Variants in DOK3 observed in about 807,000 individuals in gnomAD.
DOK3 encodes Dok-like protein.
Under a neutral mutation model 26.2 loss-of-function variants are expected in DOK3, and 23 were observed. The observed-to-expected ratio is 0.88, with a 90% CI of 0.63 to 1.24. The LOEUF (loss-of-function observed/expected upper bound fraction) is 1.24, where lower values mean the gene tolerates loss of function less well. Among genes scored for constraint, DOK3 ranks in the 50% most tolerant of loss-of-function variants. The pLI, the probability that DOK3 is intolerant of heterozygous loss-of-function variation, is 0.00. For missense variants in DOK3, 619 were observed against 610.6 expected (o/e 1.01, Z -0.15); for synonymous variants, 268 against 268.2 (o/e 1.00, Z 0.01).
rs756330120 is a variant in DOK3, at chr5:177,504,543, G to A, written c.763C>T (p.Arg255Trp). ...CTGGTCAGCTCTGGCAGCCGCTCCC[G>A]CTGGCGGGCGATGGCCCCGGCCACA... ...RAVAGAIARQRERLPELTRPQ... is the reference protein window; with the variant it reads ...RAVAGAIARQWERLPELTRPQ... Residue 255 changes from arginine (R) to tryptophan (W), a missense_variant, in exon 6 of 6, where the codon CGG becomes TGG. Coordinates refer to ENST00000510898, the MANE Select transcript of DOK3 (RefSeq NM_001308236.3). 36 of 1,591,514 alleles carry A rather than the reference G, an allele frequency of 2.3e-5. 1 individual carries two copies. The highest frequency in any genetic ancestry group is 5.3e-5 in the Admixed American group (3 of 56,424).
chr5:177,509,499 G>T lies in DOK3; in HGVS notation c.42C>A (p.Tyr14Ter). The change falls in exon 2 of 6, where the codon TAC (tyrosine) becomes TAA (stop). Residue 14 changes from tyrosine to a stop codon, truncating the protein, a stop_gained. Coordinates refer to ENST00000510898, the MANE Select transcript of DOK3 (RefSeq NM_001308236.3). LOFTEE classifies it high-confidence loss of function. ...CCTTGCCAAACTTGACATGCTGCTGGTAGAGGATGCCATCCTTGATAGGGG... is the reference window on the plus strand; with the variant it reads ...CCTTGCCAAACTTGACATGCTGCTGTTAGAGGATGCCATCCTTGATAGGGG... The part of the protein sequence containing the change: ...LETPIKDGIL[Y>*]QQHVKFGKKC... The T allele has an allele frequency of 6.2e-7, 1 of 1,610,248 alleles. No homozygotes were observed. The highest frequency in any genetic ancestry group is 8.5e-7 in the Non-Finnish European group (1 of 1,178,180).
In DOK3 at chr5:177,509,796, A is replaced by G; in HGVS notation, c.-156T>C. The G allele has an allele frequency of 6.2e-7, 1 of 1,611,882 alleles. No individual in the cohort carries two copies. Among genetic ancestry groups the G allele is most frequent in the Non-Finnish European group, 8.5e-7 (1 of 1,179,940 alleles). ...CCGGCCACCTGAAGGCAGCCTTCTC[A>G]CGCACCTGGTTCAGCTGGGCACGCG... On this transcript the variant is annotated 5_prime_UTR_variant, in exon 1 of 6. Coordinates refer to ENST00000510898, the MANE Select transcript of DOK3 (RefSeq NM_001308236.3).
chr5:177,504,770 G>A lies in DOK3; in HGVS notation c.618C>T (p.His206=). The A allele has an allele frequency of 6.2e-7, 1 of 1,614,078 alleles. No homozygotes were observed. The highest frequency in any genetic ancestry group is 8.5e-7 in the Non-Finnish European group (1 of 1,179,944). ...GTQALYSWPY[H]FLRKFGSDKG... ...TGTCGGAGCCGAACTTGCGCAGGAA[G>A]TGGTAGGGCCAGCTGTAGAGGGCCT... Residue 206 remains histidine (H), a synonymous_variant, in exon 5 of 6, where the codon CAC becomes CAT. Transcript: ENST00000510898.
chr5:177,508,558 G>T lies in DOK3; in HGVS notation c.67-16C>A. 6.6e-7 allele frequency: 1 copy of T among 1,516,184 alleles called. No homozygotes were observed. The highest frequency in any genetic ancestry group is 2.4e-5 in the East Asian group (1 of 41,042). The allele number at this position is 1,516,184 out of a possible 1,614,324, so 93.9% of individuals were successfully genotyped here. On this transcript the variant is annotated splice_polypyrimidine_tract_variant and intron_variant, in intron 2 of 5. Transcript: ENST00000510898. Reference sequence around the variant, plus strand: ...GCCAGCACTTCTGCGGGAGGGGAGCGGGAGGGTGAAGACCCTTGGGTGGCA... The same window carrying T: ...GCCAGCACTTCTGCGGGAGGGGAGCTGGAGGGTGAAGACCCTTGGGTGGCA...
Position 177,502,342 on chromosome 5 carries a change from G to C in DOK3, c.*1641C>G, listed in dbSNP as rs1372576178. 1 of 152,318 alleles carries C rather than the reference G, an allele frequency of 6.6e-6. No individual in the cohort carries two copies. The highest frequency in any genetic ancestry group is 2.4e-5 in the African/African-American group (1 of 41,468). The allele number at this position is 152,318 out of a possible 1,614,324, so 9.4% of individuals were successfully genotyped here. A position where few individuals can be genotyped will look rare whatever the true frequency, so the allele number is the denominator to read the frequency against. ...CAGAGAAACAGAGGTGGCCGAAGAGGAATGTGAGGTCAAGGGAAGGTTTAA... is the reference window on the plus strand; with the variant it reads ...CAGAGAAACAGAGGTGGCCGAAGAGCAATGTGAGGTCAAGGGAAGGTTTAA... On this transcript the variant is annotated 3_prime_UTR_variant, in exon 6 of 6. Transcript: ENST00000510898.
At chr5:177,507,400 T>C (rs538875405) in intron 3 of DOK3, among the ~76,000 whole-genome samples, 1 of 152,314 alleles carries the variant, frequency 6.6e-6, no homozygotes, top group African/African-American at 2.4e-5. Context: ...GATGGCCATG[T>C]AGGCTGTTTC....
Position 177,502,804 on chromosome 5 carries a change from G to C in DOK3, c.*1179C>G. Reference sequence around the variant, plus strand: ...GAGGTCTGGGCTCGCCCAAGGCCGGGGACTTTGCCAGACCAGTAAGATGAA... The same window carrying C: ...GAGGTCTGGGCTCGCCCAAGGCCGGCGACTTTGCCAGACCAGTAAGATGAA... On this transcript the variant is annotated 3_prime_UTR_variant, in exon 6 of 6. Coordinates refer to ENST00000510898, the MANE Select transcript of DOK3 (RefSeq NM_001308236.3). 1.9e-6 allele frequency: 1 copy of C among 521,170 alleles called. No individual in the cohort carries two copies. Among genetic ancestry groups the C allele is most frequent in the Non-Finnish European group, 3.4e-6 (1 of 293,984 alleles). 32.3% of individuals were successfully genotyped at this position (521,170 alleles called of 1,614,324 possible). A position where few individuals can be genotyped will look rare whatever the true frequency, so the allele number is the denominator to read the frequency against.
chr5:177,509,931 A>G (rs1287350338), upstream of DOK3: 16 of 1,568,260 alleles, frequency 1.0e-5, no homozygotes, highest in East Asian at 3.5e-4. Context: ...GCCTCCACCC[A>G]GGACCCTTCT....
intron 3 of DOK3, among the ~76,000 whole-genome samples, chr5:177,507,920 C>T (rs952168920): frequency 3.9e-5 from 6 of 152,220 alleles, no homozygotes; most frequent in African/African-American, 9.6e-5. Context: ...CCTCTGCCCA[C>T]GGGACTCCCT....
chr5:177,508,267 C>T lies in DOK3; in HGVS notation c.342G>A (p.Trp114Ter). ...AGGCCAGCTGGCAGATGGGGCCCATCCAGGCCTGGCGGTGCTGAGCAGCCA... is the reference window on the plus strand; with the variant it reads ...AGGCCAGCTGGCAGATGGGGCCCATTCAGGCCTGGCGGTGCTGAGCAGCCA... ...HLLAAQHRQAWMGPICQLAFP... is the reference protein window; with the variant it reads ...HLLAAQHRQA Residue 114 changes from tryptophan (W) to a stop codon, truncating the protein, a stop_gained, in exon 3 of 6, where the codon TGG becomes TGA. Coordinates refer to ENST00000510898, the MANE Select transcript of DOK3 (RefSeq NM_001308236.3). LOFTEE classifies it high-confidence loss of function. The T allele has an allele frequency of 6.5e-7, 1 of 1,544,604 alleles. No homozygotes were observed. Among genetic ancestry groups the T allele is most frequent in the Non-Finnish European group, 8.7e-7 (1 of 1,143,250 alleles).
In DOK3 at chr5:177,504,441, G is replaced by A; in HGVS notation, c.865C>T (p.Pro289Ser). Residue 289 changes from proline (P) to serine (S), a missense_variant, in exon 6 of 6, where the codon CCA (proline) becomes TCA (serine). Coordinates refer to ENST00000510898, the MANE Select transcript of DOK3 (RefSeq NM_001308236.3). The stretch of plus-strand genomic sequence containing the variant: ...CTGGACGTGGGTGGCTCAGGTCCTG[G>A]TGGCATCTCCCGAAGCTCTCCGGGG... ...DTPGELREMP[P>S]GPEPPTSRKM... 3 of 1,576,828 alleles carry A rather than the reference G, an allele frequency of 1.9e-6. No homozygotes were observed. The highest frequency in any genetic ancestry group is 2.6e-6 in the Non-Finnish European group (3 of 1,161,954).
In DOK3 at chr5:177,504,664, G is replaced by A. The variant is rs1759824572; in HGVS notation, c.646-4C>T. 1 of 1,613,396 alleles carries A rather than the reference G, an allele frequency of 6.2e-7. No individual in the cohort carries two copies. Among genetic ancestry groups the A allele is most frequent in the Non-Finnish European group, 8.5e-7 (1 of 1,179,880 alleles). ...CGGCCTCAAAGGAGAACACGCCCTG[G>A]GCACAGGGCACACGGGTGGGGATTA... On this transcript the variant is annotated splice_region_variant and splice_polypyrimidine_tract_variant and intron_variant, in intron 5 of 5. Transcript: ENST00000510898.
In DOK3 at chr5:177,502,827, G is replaced by A. The variant is rs569439736; in HGVS notation, c.*1156C>T. On this transcript the variant is annotated 3_prime_UTR_variant, in exon 6 of 6. Transcript: ENST00000510898. ...GGGGACTTTGCCAGACCAGTAAGATGAAACGAGAGAGAACAGGGGGAAGGG... is the reference window on the plus strand; with the variant it reads ...GGGGACTTTGCCAGACCAGTAAGATAAAACGAGAGAGAACAGGGGGAAGGG... The A allele has an allele frequency of 1.7e-4, 91 of 548,286 alleles. No homozygotes were observed. Among genetic ancestry groups the A allele is most frequent in the African/African-American group, 1.5e-3 (82 of 53,388 alleles). The allele number at this position is 548,286 out of a possible 1,614,324, so 34.0% of individuals were successfully genotyped here. A position where few individuals can be genotyped will look rare whatever the true frequency, so the allele number is the denominator to read the frequency against.
Position 177,504,670 on chromosome 5 carries a change from G to A in DOK3, c.646-10C>T, listed in dbSNP as rs1229626084. ...CAAAGGAGAACACGCCCTGGGCACA[G>A]GGCACACGGGTGGGGATTAGCAGGA... On this transcript the variant is annotated splice_polypyrimidine_tract_variant and intron_variant, in intron 5 of 5. Coordinates refer to ENST00000510898, the MANE Select transcript of DOK3 (RefSeq NM_001308236.3). The A allele has an allele frequency of 3.7e-6, 6 of 1,613,312 alleles. No individual in the cohort carries two copies. The highest frequency in any genetic ancestry group is 4.2e-6 in the Non-Finnish European group (5 of 1,179,878).
rs61758441 is a variant in DOK3 at position 177,504,561 on chromosome 5, C to T, written c.745G>A (p.Gly249Arg). ...CGCTCCCGCTGGCGGGCGATGGCCCCGGCCACAGCCCTGCACAGGTCAGGG... is the reference window on the plus strand; with the variant it reads ...CGCTCCCGCTGGCGGGCGATGGCCCTGGCCACAGCCCTGCACAGGTCAGGG... Reference protein sequence around the residue: ...CAPDLCRAVAGAIARQRERLP... With the variant: ...CAPDLCRAVARAIARQRERLP... Residue 249 changes from glycine (G) to arginine (R), a missense_variant, in exon 6 of 6, where the codon GGG becomes AGG. Coordinates refer to ENST00000510898, the MANE Select transcript of DOK3 (RefSeq NM_001308236.3). The T allele has an allele frequency of 1.4e-4, 225 of 1,597,540 alleles. No individual in the cohort carries two copies. The highest frequency in any genetic ancestry group is 5.1e-4 in the Middle Eastern group (3 of 5,862).
intron 2 of DOK3, chr5:177,508,771 G>C (rs140866310): frequency 2.2e-6 from 1 of 453,176 alleles, no homozygotes; most frequent in Admixed American, 3.7e-5. Context: ...CATCAATGTC[G>C]TCTCTCAAAA....
In DOK3 at chr5:177,503,852, G is replaced by A. The variant is rs925528998; in HGVS notation, c.*131C>T. 117 of 1,434,666 alleles carry A rather than the reference G, an allele frequency of 8.2e-5. 2 individuals are homozygous for A. Among genetic ancestry groups the A allele is most frequent in the Non-Finnish European group, 9.6e-5 (105 of 1,099,010 alleles). The allele number at this position is 1,434,666 out of a possible 1,614,324, so 88.9% of individuals were successfully genotyped here. ...GGCAGGGCTGAGGTCCTCCACAGGC[G>A]GCCTGCCTTGTTCCTGCAGGCCAGG... On this transcript the variant is annotated 3_prime_UTR_variant, in exon 6 of 6. Transcript: ENST00000510898.
chr5:177,503,135 T>C lies in DOK3; in HGVS notation c.*848A>G. 6.4e-7 allele frequency: 1 copy of C among 1,550,464 alleles called. No homozygotes were observed. The highest frequency in any genetic ancestry group is 8.7e-7 in the Non-Finnish European group (1 of 1,146,686). On this transcript the variant is annotated 3_prime_UTR_variant, in exon 6 of 6. Coordinates refer to ENST00000510898, the MANE Select transcript of DOK3 (RefSeq NM_001308236.3). ...CCTGGAGGCATGACGCTTGCGTGCG[T>C]GGCTGGCTCCTAGGATGGCGCCAGG...
At chr5:177,507,258 C>G (rs910119783) in intron 3 of DOK3, among the ~76,000 whole-genome samples, 28 of 151,848 alleles carry the variant, frequency 1.8e-4, no homozygotes, top group Admixed American at 4.6e-4. Context: ...CTCAAGCAAT[C>G]CTCCTACCTC....
Sources: gnomAD v4.1 joint callset for allele counts (sites outside exome capture counted in the v4.1 genomes callset) on GRCh38, gnomAD v4.1.1 for gene constraint, MANE v1.5 for transcripts, NCBI Gene and HGNC (gene_info 2026-07-23, HGNC 2026-07-21) for gene names.